AGBL1: variants seen among roughly 807,000 people sequenced by gnomAD.
AGBL1 encodes cytosolic carboxypeptidase 4.
Under a neutral mutation model 118.9 loss-of-function variants are expected in AGBL1, and 130 were observed. The observed-to-expected ratio is 1.09, with a 90% CI of 0.95 to 1.26. AGBL1 has a LOEUF of 1.26. Among genes scored for constraint, AGBL1 ranks in the 50% most tolerant of loss-of-function variants. The pLI is 0.00. For missense variants in AGBL1, 1,584 were observed against 1,298.1 expected (o/e 1.22, Z -3.38); for synonymous variants, 555 against 478.9 (o/e 1.16, Z -2.08).
In AGBL1 at chr15:86,699,486, T is replaced by C. The variant is rs557702002; in HGVS notation, c.3158+25050T>C. On this transcript the variant is annotated intron_variant, in intron 22 of 22. Transcript: ENST00000614907. ...TCCAGTCAAAATAATAAGATTCATT[T>C]CGTTTTCAAATCTATTGAGTTTTCT... Among the ~76,000 whole-genome samples the C allele has an allele frequency of 2.0e-5, 3 of 152,216 alleles. No homozygotes were observed. In the South Asian group the frequency reaches 6.2e-4, roughly 32 times the overall value.
chr15:86,725,087 A>G (rs1487170754), intron 22 of AGBL1, among the ~76,000 whole-genome samples: 2 of 152,250 alleles, frequency 1.3e-5, no homozygotes, highest in Admixed American at 6.5e-5. Context: ...CAAAGGAGGT[A>G]GCATTCTTGA....
At chr15:86,785,372 TTTTTTTG>T (rs1159342879) in intron 22 of AGBL1, among the ~76,000 whole-genome samples, 5 of 131,998 alleles carry the variant, frequency 3.8e-5, no homozygotes, top group Non-Finnish European at 7.8e-5. Context: ...TTTTTTTTTT[TTTTTTTG>T]TTTTTGTTTT....
chr15:86,955,609 G>C (rs2080921536), intron 23 of AGBL1, among the ~76,000 whole-genome samples: 1 of 152,096 alleles, frequency 6.6e-6, no homozygotes, highest in African/African-American at 2.4e-5. Flanking sequence ...GTATGATTAA[G>C]AGAAAAGAAA....
At chr15:86,464,257 T>C (rs1206117438) in intron 18 of AGBL1, among the ~76,000 whole-genome samples, 2 of 152,194 alleles carry the variant, frequency 1.3e-5, no homozygotes, top group Admixed American at 6.5e-5. Flanking sequence ...TATTGGTGTA[T>C]AGGAATGCTT....
intron 3 of AGBL1, among the ~76,000 whole-genome samples, chr15:86,151,944 A>T (rs2077117643): frequency 6.6e-6 from 1 of 152,192 alleles, no homozygotes; most frequent in Non-Finnish European, 1.5e-5. Context: ...TAAAATACCT[A>T]GGAATCCAAC....
At chr15:86,335,285 T>C (rs1476300328) in intron 17 of AGBL1, among the ~76,000 whole-genome samples, 1 of 152,004 alleles carries the variant, frequency 6.6e-6, no homozygotes, top group Non-Finnish European at 1.5e-5. Context: ...ACTACAGGCA[T>C]GTGCCACCAC....
intron 18 of AGBL1, among the ~76,000 whole-genome samples, chr15:86,412,488 A>G (rs560647141): frequency 7.2e-5 from 11 of 152,292 alleles, no homozygotes; most frequent in African/African-American, 2.6e-4. Flanking sequence ...TAGTCCTGAT[A>G]CACAGTGTTT....
chr15:86,267,068 A>C lies in AGBL1; in HGVS notation c.1830A>C (p.Gln610His). 2 of 1,561,054 alleles carry C rather than the reference A, an allele frequency of 1.3e-6. No homozygotes were observed. Among genetic ancestry groups the C allele is most frequent in the Non-Finnish European group, 1.7e-6 (2 of 1,151,584 alleles). Reference sequence around the variant, plus strand: ...CAGGAAATCTTCGCAAAGCCATCCAAGTGCGTGAGTAAGTAAGGAAAACCA... The same window carrying C: ...CAGGAAATCTTCGCAAAGCCATCCACGTGCGTGAGTAAGTAAGGAAAACCA... ...FESGNLRKAI[Q>H]VREFEYDLLV... Residue 610 changes from glutamine (Q) to histidine (H), a missense_variant, in exon 13 of 23, where the codon CAA becomes CAC. Coordinates refer to ENST00000614907, the MANE Select transcript of AGBL1 (RefSeq NM_001386094.1).
chr15:86,864,554 CT>C (rs2079599855), intron 22 of AGBL1, among the ~76,000 whole-genome samples: 1 of 152,174 alleles, frequency 6.6e-6, no homozygotes, highest in South Asian at 2.1e-4. Flanking sequence ...CCTGGGTCAT[CT>C]TACTCCAGAG....
intron 1 of AGBL1, among the ~76,000 whole-genome samples, chr15:86,114,111 C>T (rs557706520): frequency 2.0e-5 from 3 of 152,216 alleles, no homozygotes; most frequent in East Asian, 1.9e-4. Flanking sequence ...TATTTATAAA[C>T]TTGTCTGAAA....
At chr15:87,008,544 A>G (rs1277865034) in intron 24 of AGBL1, among the ~76,000 whole-genome samples, 1 of 152,202 alleles carries the variant, frequency 6.6e-6, no homozygotes, top group Non-Finnish European at 1.5e-5. Flanking sequence ...AATTGGTACC[A>G]GTAGAGTGGG....
intron 23 of AGBL1, among the ~76,000 whole-genome samples, chr15:86,970,190 G>C (rs28737240): frequency 2.0e-5 from 3 of 151,844 alleles, no homozygotes; most frequent in African/African-American, 7.2e-5. Flanking sequence ...CTTCCTTCCA[G>C]CCCTCAGAAC....
chr15:86,867,625 C>A (rs2079650799), intron 22 of AGBL1, among the ~76,000 whole-genome samples: 1 of 151,940 alleles, frequency 6.6e-6, no homozygotes, highest in Admixed American at 6.6e-5. Context: ...GCGGGGAGAA[C>A]AATAAAATGG....
intron 22 of AGBL1, among the ~76,000 whole-genome samples, chr15:86,698,625 T>TAAAAAA (rs1555439796): frequency 6.6e-6 from 1 of 150,636 alleles, no homozygotes; most frequent in African/African-American, 2.4e-5. Context: ...TTTTTTTTTT[T>TAAAAAA]AAAAAGAGAC....
At chr15:87,011,430 T>C (rs956003758) in intron 24 of AGBL1, among the ~76,000 whole-genome samples, 1 of 152,234 alleles carries the variant, frequency 6.6e-6, no homozygotes, top group African/African-American at 2.4e-5. Flanking sequence ...GGGAATATTA[T>C]GTAACAACAG....
At chr15:86,664,861 A>G (rs1238331074) in intron 21 of AGBL1, among the ~76,000 whole-genome samples, 1 of 147,938 alleles carries the variant, frequency 6.8e-6, no homozygotes, top group Non-Finnish European at 1.5e-5. Context: ...ATAAAATAAT[A>G]TCTTAATTCA....
At chr15:86,153,927 A>G (rs895563433) in intron 3 of AGBL1, among the ~76,000 whole-genome samples, 1 of 152,196 alleles carries the variant, frequency 6.6e-6, no homozygotes, top group Non-Finnish European at 1.5e-5. Flanking sequence ...CATAATCACA[A>G]TACCATTATT....
chr15:86,294,334 G>A (rs1397487705), intron 16 of AGBL1, among the ~76,000 whole-genome samples: 1 of 150,376 alleles, frequency 6.6e-6, no homozygotes, highest in Non-Finnish European at 1.5e-5. Context: ...GGGAGGTGGA[G>A]GTTGCAATGA....
chr15:86,602,787 G>T (rs2084516240), intron 21 of AGBL1, among the ~76,000 whole-genome samples: 1 of 152,112 alleles, frequency 6.6e-6, no homozygotes, highest in African/African-American at 2.4e-5. Flanking sequence ...AGCATTAGCA[G>T]AAAAAAATAA....
Sources: gnomAD v4.1 joint callset for allele counts (sites outside exome capture counted in the v4.1 genomes callset) on GRCh38, gnomAD v4.1.1 for gene constraint, MANE v1.5 for transcripts, NCBI Gene and HGNC (gene_info 2026-07-23, HGNC 2026-07-21) for gene names.